Variants in CADM2 observed in about 807,000 individuals in gnomAD.
CADM2 encodes cell adhesion molecule 2, also known as immunoglobulin superfamily member 4D.
A neutral mutation model predicts 49.8 loss-of-function variants in CADM2; 12 were observed. That is an observed-to-expected ratio of 0.24 (90% confidence interval 0.15 to 0.39). The LOEUF (loss-of-function observed/expected upper bound fraction) is 0.39, where lower values mean the gene tolerates loss of function less well. CADM2 is among the 10% of genes least tolerant of loss of function. CADM2 has a pLI of 1.00. For missense variants in CADM2, 378 were observed against 492.3 expected (o/e 0.77, Z 2.20); for synonymous variants, 214 against 175.4 (o/e 1.22, Z -1.74).
chr3:85,964,031 A>G (rs571559072), intron 8 of CADM2, among the ~76,000 whole-genome samples: 197 of 151,986 alleles, frequency 1.3e-3, no homozygotes, highest in African/African-American at 4.4e-3. Context: ...TCATGGCAAA[A>G]TAAAGGTTTT....
chr3:86,057,661 T>C (rs912001848), intron 8 of CADM2, among the ~76,000 whole-genome samples: 1 of 152,144 alleles, frequency 6.6e-6, no homozygotes, highest in Admixed American at 6.5e-5. Context: ...AGTGAATTAA[T>C]CTGGAGGAGT....
intron 1 of CADM2, among the ~76,000 whole-genome samples, chr3:85,152,815 A>G (rs1312188634): frequency 6.6e-6 from 1 of 151,810 alleles, no homozygotes; most frequent in African/African-American, 2.4e-5. Flanking sequence ...AAGAAAAAAT[A>G]TTTGCCGGGC....
At chr3:85,625,783 A>G (rs1377293130) in intron 1 of CADM2, among the ~76,000 whole-genome samples, 1 of 151,992 alleles carries the variant, frequency 6.6e-6, no homozygotes, top group Non-Finnish European at 1.5e-5. Flanking sequence ...ACTGTGATAC[A>G]TATCAAAATA....
intron 1 of CADM2, among the ~76,000 whole-genome samples, chr3:85,287,863 C>T (rs918652861): frequency 1.3e-5 from 2 of 149,826 alleles, no homozygotes; most frequent in Non-Finnish European, 3.0e-5. Flanking sequence ...AACCAAACAC[C>T]ACATGTTCTC....
At chr3:85,425,960 A>G (rs1216337542) in intron 1 of CADM2, among the ~76,000 whole-genome samples, 1 of 152,112 alleles carries the variant, frequency 6.6e-6, no homozygotes, top group Non-Finnish European at 1.5e-5. Context: ...CTGCTACTTG[A>G]GAAAATGGGA....
intron 1 of CADM2, among the ~76,000 whole-genome samples, chr3:85,477,916 G>A (rs2039050232): frequency 6.6e-6 from 1 of 151,870 alleles, no homozygotes; most frequent in African/African-American, 2.4e-5. Context: ...GCTATTTAAA[G>A]ATCTATTTAT....
chr3:85,466,310 T>A (rs9846153), intron 1 of CADM2, among the ~76,000 whole-genome samples: 132,336 of 152,192 alleles, frequency 0.87, 57,706 homozygotes, highest in East Asian at 0.95. Context: ...TTGTCATTTG[T>A]GGGTTATAAT....
intron 1 of CADM2, among the ~76,000 whole-genome samples, chr3:85,268,429 G>A (rs1442869035): frequency 6.6e-6 from 1 of 151,146 alleles, no homozygotes; most frequent in South Asian, 2.1e-4. Flanking sequence ...AAAATGAAAG[G>A]TTTAAATACT....
intron 8 of CADM2, among the ~76,000 whole-genome samples, chr3:86,065,287 C>A (rs769901786): frequency 1.3e-5 from 2 of 152,140 alleles, no homozygotes; most frequent in Non-Finnish European, 2.9e-5. Context: ...AATATGCAGA[C>A]ATACACACAC....
At chr3:85,022,818 ACTC>A (rs1471341063) in intron 1 of CADM2, among the ~76,000 whole-genome samples, 3 of 152,004 alleles carry the variant, frequency 2.0e-5, no homozygotes, top group Non-Finnish European at 4.4e-5. Context: ...ACAAAATAAT[ACTC>A]CTCATCTAAT....
intron 1 of CADM2, among the ~76,000 whole-genome samples, chr3:85,714,124 G>A (rs1476348945): frequency 6.6e-6 from 1 of 152,172 alleles, no homozygotes; most frequent in Non-Finnish European, 1.5e-5. Flanking sequence ...GATCTCCTGG[G>A]AATTGAATAG....
intron 2 of CADM2, among the ~76,000 whole-genome samples, chr3:85,759,478 G>A (rs193003227): frequency 6.8e-4 from 103 of 152,116 alleles, no homozygotes; most frequent in Non-Finnish European, 1.2e-3. Context: ...CTACCTGGGC[G>A]TTTAAAATTA....
chr3:85,524,904 A>C (rs1430824470), intron 1 of CADM2, among the ~76,000 whole-genome samples: 1 of 152,116 alleles, frequency 6.6e-6, no homozygotes, highest in Non-Finnish European at 1.5e-5. Context: ...TTCTTCATTC[A>C]TGGTAGTATT....
chr3:85,572,158 A>G (rs1038766132), intron 1 of CADM2, among the ~76,000 whole-genome samples: 1 of 152,104 alleles, frequency 6.6e-6, no homozygotes, highest in Non-Finnish European at 1.5e-5. Flanking sequence ...TTAGCCGGGC[A>G]TGGTGGCGGA....
At chr3:85,716,442 A>G (rs556912552) in intron 1 of CADM2, among the ~76,000 whole-genome samples, 1 of 152,070 alleles carries the variant, frequency 6.6e-6, no homozygotes, top group Non-Finnish European at 1.5e-5. Flanking sequence ...AATTTTCTCT[A>G]ATTCTGTAGA....
chr3:85,077,526 A>G (rs754940783), intron 1 of CADM2, among the ~76,000 whole-genome samples: 5 of 152,058 alleles, frequency 3.3e-5, no homozygotes, highest in Non-Finnish European at 5.9e-5. Context: ...TTAGGATGCT[A>G]ACTCTATTCT....
chr3:85,849,890 C>T (rs1371979211), intron 3 of CADM2, among the ~76,000 whole-genome samples: 1 of 143,092 alleles, frequency 7.0e-6, no homozygotes, highest in Non-Finnish European at 1.6e-5. Context: ...CAGAGTATTA[C>T]CAAGAAAATG....
intron 3 of CADM2, among the ~76,000 whole-genome samples, chr3:85,846,882 T>A (rs1185976354): frequency 6.6e-6 from 1 of 152,082 alleles, no homozygotes; most frequent in African/African-American, 2.4e-5. Context: ...AATTAAAATA[T>A]AAGATTTTGC....
At chr3:84,989,406 CA>C (rs1362788112) in intron 1 of CADM2, among the ~76,000 whole-genome samples, 1 of 152,036 alleles carries the variant, frequency 6.6e-6, no homozygotes, top group Non-Finnish European at 1.5e-5. Context: ...TTAACAATAG[CA>C]ATCAAAATTA....
Sources: gnomAD v4.1 joint callset for allele counts (sites outside exome capture counted in the v4.1 genomes callset) on GRCh38, gnomAD v4.1.1 for gene constraint, MANE v1.5 for transcripts, NCBI Gene and HGNC (gene_info 2026-07-23, HGNC 2026-07-21) for gene names.